The following PTPN21 variants were observed in gnomAD, a reference collection of about 807,000 sequenced individuals.
PTPN21 encodes the protein tyrosine-protein phosphatase non-receptor type 21.
A neutral mutation model predicts 131.8 loss-of-function variants in PTPN21; 77 were observed. The observed-to-expected ratio is 0.58, with a 90% CI of 0.49 to 0.71. The LOEUF is 0.71. Ranked by LOEUF, PTPN21 falls within the 30% of genes least tolerant of loss-of-function variation. The pLI, the probability that PTPN21 is intolerant of heterozygous loss-of-function variation, is 0.00. For missense variants in PTPN21, 1,552 were observed against 1,527.1 expected (o/e 1.02, Z -0.27); for synonymous variants, 715 against 621.3 (o/e 1.15, Z -2.24).
intron 18 of PTPN21, among the ~76,000 whole-genome samples, chr14:88,468,512 G>A (rs10139921): frequency 0.22 from 33,492 of 151,978 alleles, 3,888 homozygotes; most frequent in East Asian, 0.31. Context: ...ACTTTGTATG[G>A]TTGGACATAA....
At position 88,480,104 on chromosome 14, in the gene PTPN21, G is replaced by T; in HGVS notation, c.1327C>A (p.Pro443Thr). The change falls in exon 13 of 19, where the codon CCG (proline) becomes ACG (threonine). Residue 443 changes from proline (P) to threonine (T), a missense_variant. Pro to Thr is a conservative substitution (Grantham distance 38). Transcript: ENST00000556564. ...PSHRHSAVIP[P>T]SYRPTPDYET... ...TAGTCTGGGGTGGGGCGGTAGGACG[G>T]GGGTATCACGGCGCTGTGCCGATGG... is the stretch of plus-strand genomic sequence containing the variant. The T allele has an allele frequency of 1.9e-6, 3 of 1,614,194 alleles. No individual in the cohort carries two copies. The highest frequency in any genetic ancestry group is 2.5e-6 in the Non-Finnish European group (3 of 1,180,034).
intron 9 of PTPN21, among the ~76,000 whole-genome samples, 154 bp from the exon 10 acceptor site, chr14:88,496,646 T>C (rs764823531): frequency 6.6e-6 from 1 of 152,218 alleles, no homozygotes; most frequent in Non-Finnish European, 1.5e-5. Context: ...ACTGTGCCCA[T>C]GGTATGAATA....
At position 88,500,889 on chromosome 14, in the gene PTPN21, A is replaced by G. The variant is rs2077998035; in HGVS notation, c.676-18T>C. 6.4e-7 allele frequency: 1 copy of G among 1,565,910 alleles called. No homozygotes were observed. ...TGGCTATCCTACAAGGAGAAAGCAG[A>G]AGAAGAAACACCCAGGAAGCAGATG... On this transcript the variant is annotated intron_variant, in intron 7 of 18. Coordinates refer to ENST00000556564, the MANE Select transcript of PTPN21 (RefSeq NM_007039.4).
chr14:88,490,907 C>T (rs2077813451), intron 10 of PTPN21, among the ~76,000 whole-genome samples: 1 of 152,184 alleles, frequency 6.6e-6, no homozygotes, highest in African/African-American at 2.4e-5. Flanking sequence ...GCCACCTACA[C>T]CAAGGGGCCT....
chr14:88,479,002 C>G lies in PTPN21; in HGVS notation c.2429G>C (p.Arg810Pro). Reference protein sequence around the residue: ...DLTTSGRYRARRDSLKKRPVS... With the variant: ...DLTTSGRYRAPRDSLKKRPVS... ...CGGCCTTTTCTTCAGAGAGTCCCTC[C>G]GGGCTCGGTAGCGGCCTGACGTGGT... The change falls in exon 13 of 19, where the codon CGG becomes CCG. Residue 810 changes from arginine (R) to proline (P), a missense_variant. Arg to Pro is a moderately radical substitution (Grantham distance 103). Transcript: ENST00000556564. The G allele has an allele frequency of 3.8e-6, 6 of 1,599,614 alleles. No homozygotes were observed. The highest frequency in any genetic ancestry group is 5.1e-6 in the Non-Finnish European group (6 of 1,173,708).
intron 1 of PTPN21, among the ~76,000 whole-genome samples, chr14:88,554,313 C>A (rs2078898276): frequency 6.6e-6 from 1 of 152,198 alleles, no homozygotes; most frequent in Non-Finnish European, 1.5e-5. Flanking sequence ...CCCCTTCTCG[C>A]CAAAGTTATC....
chr14:88,524,829 C>T (rs2078450464), intron 2 of PTPN21, among the ~76,000 whole-genome samples: 1 of 151,898 alleles, frequency 6.6e-6, no homozygotes. Context: ...CACTTGGGCC[C>T]AGGAGACCAA....
intron 2 of PTPN21, among the ~76,000 whole-genome samples, chr14:88,541,335 G>T (rs1687645429): frequency 6.6e-6 from 1 of 152,174 alleles, no homozygotes. Context: ...TGAACAAATT[G>T]CTCAGAGAAC....
chr14:88,504,281 A>C, intron 6 of PTPN21, 144 bp downstream of exon 6: 1 of 649,740 alleles, frequency 1.5e-6, no homozygotes, highest in Non-Finnish European at 2.7e-6. Context: ...AATGTTGGCT[A>C]CTTGTAATAG....
chr14:88,525,187 G>A (rs1056211103), intron 2 of PTPN21, among the ~76,000 whole-genome samples: 3 of 151,904 alleles, frequency 2.0e-5, no homozygotes, highest in African/African-American at 7.3e-5. Flanking sequence ...GCTGCAGTGA[G>A]CCATGATTGT....
chr14:88,518,386 G>GTATATACATATATA, intron 2 of PTPN21, among the ~76,000 whole-genome samples: 1 of 9,706 alleles, frequency 1.0e-4, no homozygotes, highest in East Asian at 8.8e-3. Context: ...GTGTGTGTGT[G>GTATATACATATATA]TATATATATA....
chr14:88,484,051 T>G (rs1566817247), intron 12 of PTPN21, among the ~76,000 whole-genome samples: 1 of 151,672 alleles, frequency 6.6e-6, no homozygotes, highest in Non-Finnish European at 1.5e-5. Context: ...TAAGGTGTTT[T>G]TTTTTTTTTT....
intron 2 of PTPN21, among the ~76,000 whole-genome samples, chr14:88,520,724 AAAGTC>A (rs1250125248): frequency 1.3e-5 from 2 of 152,230 alleles, no homozygotes; most frequent in African/African-American, 4.8e-5. Flanking sequence ...GTGAAATGGT[AAAGTC>A]AATCAATCTA....
chr14:88,517,071 A>T, intron 3 of PTPN21, 21 bp downstream of exon 3: 1 of 1,611,252 alleles, frequency 6.2e-7, no homozygotes, highest in Non-Finnish European at 8.5e-7. Context: ...TCCTAAAAAC[A>T]AACGGCATGT....
Position 88,469,121 on chromosome 14 carries a change from G to T in PTPN21, c.3236-45C>A. 1 of 1,556,002 alleles carries T rather than the reference G, an allele frequency of 6.4e-7. No individual in the cohort carries two copies. The highest frequency in any genetic ancestry group is 8.8e-7 in the Non-Finnish European group (1 of 1,140,700). ...TAGAAAAGTACTCAAGGATCAAGGCGTATCACATTGTTGACTCAATCTTCA... is the reference window on the plus strand; with the variant it reads ...TAGAAAAGTACTCAAGGATCAAGGCTTATCACATTGTTGACTCAATCTTCA... On this transcript the variant is annotated intron_variant, in intron 17 of 18. Coordinates refer to ENST00000556564, the MANE Select transcript of PTPN21 (RefSeq NM_007039.4). This position sits in a 1 kb window ranked among gnomAD's most constrained non-coding sequence, Gnocchi z 4.3.
rs547349604 is a variant in PTPN21, at chr14:88,553,903, T to C, written c.-203+748A>G. 1.1e-4 allele frequency among the ~76,000 whole-genome samples: 17 copies of C among 152,300 alleles called. No homozygotes were observed. The South Asian group carries it at 3.5e-3, about 32-fold the overall frequency. On this transcript the variant is annotated intron_variant, in intron 1 of 18. Coordinates refer to ENST00000556564, the MANE Select transcript of PTPN21 (RefSeq NM_007039.4). ...TATGTGACATTTTTAGAGTAATATC[T>C]ATAGCTATAGCATTAAACCCATGTT...
At chr14:88,475,765 C>T (rs1165138990) in intron 13 of PTPN21, among the ~76,000 whole-genome samples, 2 of 152,164 alleles carry the variant, frequency 1.3e-5, no homozygotes, top group Admixed American at 6.5e-5. Flanking sequence ...TTTAAGTCGG[C>T]TCTTGCTAGT....
chr14:88,553,004 T>C (rs960667694), intron 1 of PTPN21, among the ~76,000 whole-genome samples: 1 of 152,178 alleles, frequency 6.6e-6, no homozygotes, highest in African/African-American at 2.4e-5. Context: ...AGATATTGCA[T>C]ATGTGTAGAG....
intron 2 of PTPN21, among the ~76,000 whole-genome samples, chr14:88,518,963 TTC>T (rs947973676): frequency 5.4e-5 from 7 of 128,626 alleles, no homozygotes; most frequent in South Asian, 2.7e-4. Context: ...TGAAGGTGAA[TTC>T]TCTCTCTCCC....
Sources: allele counts gnomAD v4.1 joint callset (sites outside exome capture counted in the v4.1 genomes callset), GRCh38; gene constraint gnomAD v4.1.1; non-coding constraint Gnocchi (gnomAD v3.1); transcripts MANE v1.5; gene names NCBI Gene and HGNC (gene_info 2026-07-23, HGNC 2026-07-21).